The following UBR3 variants were observed in gnomAD, a reference collection of about 807,000 sequenced individuals.
The protein encoded by UBR3 is E3 ubiquitin-protein ligase UBR3.
UBR3 carries 85 observed loss-of-function variants against 243.2 expected under a neutral mutation model. The ratio of observed to expected loss-of-function variants is 0.35; its 90% CI spans 0.29 to 0.42. The LOEUF is 0.42. Ranked by LOEUF, UBR3 falls within the 10% of genes least tolerant of loss-of-function variation. The probability of loss-of-function intolerance (pLI) is 1.00; values close to 1 mark genes in which losing one functional copy is unlikely to be tolerated. For synonymous variants in UBR3, 748 were observed against 799.8 expected, an observed-to-expected ratio of 0.94 and a Z score of 1.09; for missense variants, 1,686 against 2,300.8, an observed-to-expected ratio of 0.73 and a Z score of 5.47.
chr2:169,849,697 T>C (rs2082595834), intron 1 of UBR3, among the ~76,000 whole-genome samples: 1 of 152,238 alleles, frequency 6.6e-6, no homozygotes, highest in South Asian at 2.1e-4. Flanking sequence ...CTAACCAAAA[T>C]GCAGATTCAG....
chr2:169,984,140 T>G (rs2088887997), intron 24 of UBR3, among the ~76,000 whole-genome samples: 1 of 152,194 alleles, frequency 6.6e-6, no homozygotes, highest in Non-Finnish European at 1.5e-5. Context: ...TTTTTTTTAG[T>G]GTGGAAAATA....
intron 32 of UBR3, among the ~76,000 whole-genome samples, chr2:170,051,843 C>T (rs2091225513): frequency 6.6e-6 from 1 of 152,080 alleles, no homozygotes; most frequent in African/African-American, 2.4e-5. Flanking sequence ...TTGACTTTGA[C>T]GGCACCATCC....
chr2:169,866,150 CAAAAAAA>C (rs578054467), intron 1 of UBR3, among the ~76,000 whole-genome samples: 16 of 53,376 alleles, frequency 3.0e-4, no homozygotes, highest in African/African-American at 8.5e-4. Flanking sequence ...GACTGTGTCT[CAAAAAAA>C]AAAAAAAAAA....
At chr2:170,073,124 T>G (rs1220695928) in intron 35 of UBR3, among the ~76,000 whole-genome samples, 4 of 152,194 alleles carry the variant, frequency 2.6e-5, no homozygotes, top group Non-Finnish European at 5.9e-5. Context: ...TTTGCTTTCA[T>G]AGAGTAGCTA....
chr2:170,048,713 T>G (rs1035292464), intron 32 of UBR3, among the ~76,000 whole-genome samples: 7 of 152,090 alleles, frequency 4.6e-5, no homozygotes, highest in African/African-American at 1.7e-4. Context: ...GAAACTAAAG[T>G]TTTTTCTTTT....
chr2:170,062,947 T>C (rs1306841822), intron 35 of UBR3, among the ~76,000 whole-genome samples: 1 of 152,142 alleles, frequency 6.6e-6, no homozygotes, highest in Non-Finnish European at 1.5e-5. Context: ...AAGAAAGAGA[T>C]TAAAATATAG....
chr2:169,927,226 T>G, intron 16 of UBR3, 94 bp from the exon 17 acceptor site: 1 of 1,180,792 alleles, frequency 8.5e-7, no homozygotes, highest in Non-Finnish European at 1.2e-6. Context: ...GCATCTTATA[T>G]TTGGTAAAAC....
At chr2:170,035,918 G>GGGA (rs2090818319) in intron 31 of UBR3, among the ~76,000 whole-genome samples, 2 of 133,098 alleles carry the variant, frequency 1.5e-5, no homozygotes, top group Non-Finnish European at 3.3e-5. Context: ...ATTGGGGGGG[G>GGGA]GGTTGCTAAT....
chr2:169,950,088 T>G (rs1559125558), intron 23 of UBR3, 23 bp downstream of exon 23: 3 of 1,521,796 alleles, frequency 2.0e-6, no homozygotes, highest in Non-Finnish European at 2.6e-6. Flanking sequence ...TTTAATGTTT[T>G]AAACGTGTGT....
intron 24 of UBR3, among the ~76,000 whole-genome samples, chr2:169,970,268 GT>G (rs377010125): frequency 7.7e-6 from 1 of 129,236 alleles, no homozygotes; most frequent in Non-Finnish European, 1.6e-5. Flanking sequence ...GCTGTTGTGA[GT>G]TTTTTTCTTG....
intron 24 of UBR3, among the ~76,000 whole-genome samples, chr2:169,966,919 A>T (rs1221463668): frequency 2.6e-5 from 4 of 152,118 alleles, no homozygotes; most frequent in Non-Finnish European, 5.9e-5. Context: ...CATTATGTAC[A>T]TACAGTTTTT....
chr2:169,949,740 TC>T lies in UBR3; in HGVS notation c.3221del (p.Ser1074Ter). Reference sequence around the variant, plus strand: ...TTCAAGTAAATGGTCTGCTCCTGGTTCAGCTCCACAGTTAACTACAGCCATT... The same window carrying T: ...TTCAAGTAAATGGTCTGCTCCTGGTTAGCTCCACAGTTAACTACAGCCATT... ...KTSSKWSAPG[S>X]APQLTTAILE... On this transcript the variant is annotated frameshift_variant, in exon 23 of 39. Coordinates refer to ENST00000272793, the MANE Select transcript of UBR3 (RefSeq NM_172070.4). LOFTEE classifies it high-confidence loss of function. The T allele has an allele frequency of 6.4e-7, 1 of 1,551,690 alleles. No individual in the cohort carries two copies. The highest frequency in any genetic ancestry group is 8.7e-7 in the Non-Finnish European group (1 of 1,146,808).
chr2:170,061,059 C>A lies in UBR3; in HGVS notation c.4786-20C>A. 3 of 1,472,588 alleles carry A rather than the reference C, an allele frequency of 2.0e-6. No individual in the cohort carries two copies. Among genetic ancestry groups the A allele is most frequent in the South Asian group, 1.4e-5 (1 of 71,166 alleles). The allele number at this position is 1,472,588 out of a possible 1,614,324, so 91.2% of individuals were successfully genotyped here. On this transcript the variant is annotated intron_variant, in intron 33 of 38. Coordinates refer to ENST00000272793, the MANE Select transcript of UBR3 (RefSeq NM_172070.4). Reference sequence around the variant, plus strand: ...TATAATTTTCAGTGACCAGTGTAACCAATATTTTAATTTTTTCAGAGTACA... The same window carrying A: ...TATAATTTTCAGTGACCAGTGTAACAAATATTTTAATTTTTTCAGAGTACA...
chr2:170,025,840 C>A (rs1233145246), intron 30 of UBR3, among the ~76,000 whole-genome samples: 1 of 152,114 alleles, frequency 6.6e-6, no homozygotes, highest in East Asian at 1.9e-4. Context: ...ACTCAAATAG[C>A]AATTATAAAA....
intron 37 of UBR3, 133 bp from the exon 38 acceptor site, chr2:170,080,412 T>A (rs1574492176): frequency 1.0e-6 from 1 of 983,070 alleles, no homozygotes; most frequent in East Asian, 2.7e-5. Flanking sequence ...AGGAATGGAG[T>A]TATAAGTTTA....
intron 32 of UBR3, among the ~76,000 whole-genome samples, chr2:170,045,432 G>C (rs977764721): frequency 6.6e-6 from 1 of 152,066 alleles, no homozygotes; most frequent in Non-Finnish European, 1.5e-5. Flanking sequence ...TCATGTTGCT[G>C]TTCTTGAGGA....
chr2:169,947,663 TA>T lies in UBR3; in HGVS notation c.3035del (p.Lys1012ArgfsTer27). ...AGAGTTCCAGAGACTGCTCCTGAAG[TA>T]AAGAGAGACTCACCTGCAAGTACTA... ...RVRVPETAPEVKRDSPASTSS... is the reference protein window; with the variant it reads ...RVRVPETAPEXKRDSPASTSS... On this transcript the variant is annotated frameshift_variant, in exon 22 of 39. Transcript: ENST00000272793. LOFTEE classifies it high-confidence loss of function. 1 of 1,538,584 alleles carries T rather than the reference TA, an allele frequency of 6.5e-7. No individual in the cohort carries two copies. Among genetic ancestry groups the T allele is most frequent in the African/African-American group, 1.4e-5 (1 of 72,502 alleles).
intron 1 of UBR3, among the ~76,000 whole-genome samples, chr2:169,855,199 C>G (rs1398356780): frequency 6.6e-6 from 1 of 152,110 alleles, no homozygotes. Flanking sequence ...AGATCCTGCT[C>G]TAAATCACCA....
chr2:169,965,374 G>A (rs1490445373), intron 24 of UBR3, among the ~76,000 whole-genome samples: 1 of 151,988 alleles, frequency 6.6e-6, no homozygotes, highest in Non-Finnish European at 1.5e-5. Context: ...AATCTGTATA[G>A]TAGTATCTCC....
Sources: gnomAD v4.1 joint callset for allele counts (sites outside exome capture counted in the v4.1 genomes callset) on GRCh38, gnomAD v4.1.1 for gene constraint, MANE v1.5 for transcripts, NCBI Gene and HGNC (gene_info 2026-07-23, HGNC 2026-07-21) for gene names.